SHTN1: variants seen among roughly 807,000 people sequenced by gnomAD.
The protein encoded by SHTN1 is shootin 1.
Under a neutral mutation model 83.1 loss-of-function variants are expected in SHTN1, and 42 were observed. That is an observed-to-expected ratio of 0.51 (90% CI 0.39 to 0.65). The LOEUF is 0.65. Ranked by LOEUF, SHTN1 falls within the 30% of genes least tolerant of loss-of-function variation. The pLI, the probability that SHTN1 is intolerant of heterozygous loss-of-function variation, is 0.00. For missense variants in SHTN1, 622 were observed against 737.8 expected (o/e 0.84, Z 1.82); for synonymous variants, 224 against 247.7 (o/e 0.90, Z 0.90).
intron 1 of SHTN1, among the ~76,000 whole-genome samples, chr10:117,111,468 A>G (rs1433851371): frequency 6.6e-6 from 1 of 151,584 alleles, no homozygotes; most frequent in Non-Finnish European, 1.5e-5. Context: ...TAATTTTTGT[A>G]TTTTTAGTAG....
intron 1 of SHTN1, among the ~76,000 whole-genome samples, chr10:116,990,725 GT>G (rs2133511348): frequency 6.6e-6 from 1 of 151,942 alleles, no homozygotes; most frequent in East Asian, 1.9e-4. Flanking sequence ...GGCAGCTTTT[GT>G]TTTTCTGTTT....
At chr10:117,002,341 C>A (rs1004036200) in intron 1 of SHTN1, among the ~76,000 whole-genome samples, 1 of 152,136 alleles carries the variant, frequency 6.6e-6, no homozygotes, top group East Asian at 1.9e-4. Context: ...TAGTGCCTAC[C>A]ACATGGACCT....
At position 116,998,398 on chromosome 10, in the gene SHTN1, A is replaced by C. The variant is rs1192908532; in HGVS notation, c.58+6624T>G. Among the ~76,000 whole-genome samples the C allele has an allele frequency of 2.6e-5, 4 of 152,160 alleles. No individual in the cohort carries two copies. In the East Asian group the frequency reaches 7.7e-4, roughly 29 times the overall value. The stretch of plus-strand genomic sequence containing the variant: ...GGTCAACATGGTATGAAAATAGATG[A>C]CTACAGTACCACAAGATATTTTGAG... On this transcript the variant is annotated intron_variant, in intron 1 of 16. Coordinates refer to ENST00000355371, the MANE Select transcript of SHTN1 (RefSeq NM_001127211.3).
intron 5 of SHTN1, 74 bp downstream of exon 5, chr10:116,953,968 T>C: frequency 8.2e-7 from 1 of 1,216,768 alleles, no homozygotes; most frequent in Non-Finnish European, 1.1e-6. Flanking sequence ...ATGATTCTGA[T>C]GTGCAGTCAG....
intron 9 of SHTN1, among the ~76,000 whole-genome samples, chr10:116,931,923 T>C (rs1242712052): frequency 1.3e-5 from 2 of 152,258 alleles, no homozygotes; most frequent in African/African-American, 4.8e-5. Context: ...CTTAAAAGAC[T>C]GCTGCATCTG....
At chr10:116,887,374 G>A (rs1284620114) in intron 16 of SHTN1, among the ~76,000 whole-genome samples, 1 of 152,222 alleles carries the variant, frequency 6.6e-6, no homozygotes, top group African/African-American at 2.4e-5. Flanking sequence ...GCTGCGGCCT[G>A]AAGGTGGAGG....
intron 16 of SHTN1, among the ~76,000 whole-genome samples, chr10:116,895,056 C>T (rs1053289163): frequency 2.0e-5 from 3 of 152,102 alleles, no homozygotes; most frequent in Non-Finnish European, 4.4e-5. Context: ...ACATGAAGCT[C>T]TCTTAAAAAG....
At chr10:116,931,528 C>T (rs1848966414) in intron 9 of SHTN1, among the ~76,000 whole-genome samples, 4 of 152,092 alleles carry the variant, frequency 2.6e-5, no homozygotes, top group African/African-American at 7.2e-5. Context: ...AGATTACAGG[C>T]GTGAGCCACC....
chr10:116,905,795 A>G (rs1847945315), intron 15 of SHTN1, among the ~76,000 whole-genome samples: 1 of 152,198 alleles, frequency 6.6e-6, no homozygotes, highest in African/African-American at 2.4e-5. Flanking sequence ...AGTTTTTTGA[A>G]GTCGGCTTCC....
Position 116,882,322 on chromosome 10 carries a change from A to C in SHTN1, c.*4022T>G, listed in dbSNP as rs1375996403. 2 of 152,072 alleles carry C rather than the reference A, an allele frequency of 1.3e-5. No individual in the cohort carries two copies. Among genetic ancestry groups the C allele is most frequent in the African/African-American group, 4.8e-5 (2 of 41,408 alleles). 9.4% of individuals were successfully genotyped at this position (152,072 alleles called of 1,614,324 possible). A position where few individuals can be genotyped will look rare whatever the true frequency, so the allele number is the denominator to read the frequency against. Reference sequence around the variant, plus strand: ...GTATAAATGAATAAGCACATCAGTAAATGAATTAATATTCTCAAGGTTATT... The same window carrying C: ...GTATAAATGAATAAGCACATCAGTACATGAATTAATATTCTCAAGGTTATT... On this transcript the variant is annotated 3_prime_UTR_variant, in exon 17 of 17. Transcript: ENST00000355371.
At chr10:116,981,363 G>A (rs1483468820) in intron 1 of SHTN1, among the ~76,000 whole-genome samples, 1 of 152,076 alleles carries the variant, frequency 6.6e-6, no homozygotes, top group Non-Finnish European at 1.5e-5. Flanking sequence ...AAAAAGATTT[G>A]ACTGACCTAG....
intron 4 of SHTN1, 38 bp from the exon 5 acceptor site, chr10:116,954,248 C>A (rs751791367): frequency 7.3e-7 from 1 of 1,373,320 alleles, no homozygotes; most frequent in South Asian, 1.4e-5. Context: ...TTAAAAGCAG[C>A]CAAATGAGTA....
intron 9 of SHTN1, among the ~76,000 whole-genome samples, chr10:116,931,106 C>T (rs1321183331): frequency 1.6e-5 from 1 of 62,412 alleles, no homozygotes; most frequent in Non-Finnish European, 3.3e-5. Context: ...CTGGGGGACA[C>T]AAATTTAGTA....
chr10:116,903,334 A>T (rs1156371874), intron 15 of SHTN1, among the ~76,000 whole-genome samples: 1 of 152,084 alleles, frequency 6.6e-6, no homozygotes, highest in Non-Finnish European at 1.5e-5. Flanking sequence ...GGAGTTAGAG[A>T]CCAACCTGGC....
At chr10:117,092,127 G>C (rs1003129412) in intron 1 of SHTN1, among the ~76,000 whole-genome samples, 10 of 152,196 alleles carry the variant, frequency 6.6e-5, no homozygotes, top group African/African-American at 2.4e-4. Context: ...ATATTGCATA[G>C]TACTTCCCGT....
intron 3 of SHTN1, among the ~76,000 whole-genome samples, chr10:116,963,103 G>T (rs71475009): frequency 1.1e-4 from 12 of 105,472 alleles, no homozygotes; most frequent in African/African-American, 4.7e-4. Context: ...ACGGAGTCTC[G>T]CTCTGTGGCC....
intron 1 of SHTN1, among the ~76,000 whole-genome samples, chr10:117,122,956 A>C (rs1324466351): frequency 1.3e-5 from 2 of 152,240 alleles, no homozygotes; most frequent in Non-Finnish European, 2.9e-5. Flanking sequence ...GAGAAAAGTA[A>C]GAAGATAATC....
chr10:116,976,676 T>C (rs2133475675), intron 2 of SHTN1, among the ~76,000 whole-genome samples: 1 of 152,264 alleles, frequency 6.6e-6, no homozygotes, highest in East Asian at 1.9e-4. Context: ...CTAAAGCTGC[T>C]TTTACTCATT....
intron 10 of SHTN1, 152 bp from the exon 11 acceptor site, chr10:116,928,043 A>C (rs906169999): frequency 2.5e-6 from 2 of 796,060 alleles, no homozygotes; most frequent in Non-Finnish European, 2.0e-6. Flanking sequence ...AGACCTTTTT[A>C]AACTTTTCAC....
Sources: allele counts gnomAD v4.1 joint callset (sites outside exome capture counted in the v4.1 genomes callset), GRCh38; gene constraint gnomAD v4.1.1; transcripts MANE v1.5; gene names NCBI Gene and HGNC (gene_info 2026-07-23, HGNC 2026-07-21).